Variants in CACNA1E observed in about 807,000 individuals in gnomAD.
The protein encoded by CACNA1E is calcium voltage-gated channel subunit alpha1 E, also known as voltage-dependent R-type calcium channel subunit alpha-1E.
In CACNA1E, 40 loss-of-function variants were observed where a neutral mutation model predicts 259.2. The observed-to-expected ratio is 0.15, with a 90% CI of 0.12 to 0.20. CACNA1E has a LOEUF of 0.20. Ranked by LOEUF, CACNA1E falls within the 10% of genes least tolerant of loss-of-function variation. The probability of loss-of-function intolerance (pLI) is 1.00; values close to 1 mark genes in which losing one functional copy is unlikely to be tolerated. For missense variants in CACNA1E, 1,874 were observed against 3,040.1 expected, an observed-to-expected ratio of 0.62 and a Z score of 9.02; for synonymous variants, 1,104 against 1,138.5, an observed-to-expected ratio of 0.97 and a Z score of 0.61.
chr1:181,443,489 T>G (rs1160520645), intron 2 of CACNA1E, among the ~76,000 whole-genome samples: 1 of 152,200 alleles, frequency 6.6e-6, no homozygotes, highest in Non-Finnish European at 1.5e-5. Context: ...TTAAATGTAT[T>G]TTGAGGCCTG....
chr1:181,665,474 A>G (rs1211451036), intron 7 of CACNA1E, among the ~76,000 whole-genome samples: 5 of 152,202 alleles, frequency 3.3e-5, no homozygotes, highest in Non-Finnish European at 1.5e-5. Flanking sequence ...TTAGTAAAAT[A>G]TAACATGAAG....
At chr1:181,519,911 C>G (rs1181896598) in intron 3 of CACNA1E, among the ~76,000 whole-genome samples, 1 of 152,162 alleles carries the variant, frequency 6.6e-6, no homozygotes, top group Non-Finnish European at 1.5e-5. Flanking sequence ...CATACATTCT[C>G]TCTGTCATAC....
At chr1:181,601,961 A>G (rs934488123) in intron 6 of CACNA1E, among the ~76,000 whole-genome samples, 2 of 152,144 alleles carry the variant, frequency 1.3e-5, no homozygotes, top group African/African-American at 4.8e-5. Context: ...TCTGCCTTGG[A>G]TGGAACCTTG....
chr1:181,527,120 A>G (rs1667419058), intron 3 of CACNA1E, among the ~76,000 whole-genome samples: 1 of 152,236 alleles, frequency 6.6e-6, no homozygotes, highest in Non-Finnish European at 1.5e-5. Flanking sequence ...GGACAGCTAT[A>G]TCAAAAGTAT....
intron 1 of CACNA1E, among the ~76,000 whole-genome samples, chr1:181,392,575 T>C (rs1656376046): frequency 6.6e-6 from 1 of 152,246 alleles, no homozygotes; most frequent in Non-Finnish European, 1.5e-5. Context: ...ACACAGCGGA[T>C]GCCTGACCAA....
At chr1:181,651,167 T>C (rs944400437) in intron 6 of CACNA1E, among the ~76,000 whole-genome samples, 171 bp from the exon 7 acceptor site, 4 of 152,242 alleles carry the variant, frequency 2.6e-5, no homozygotes, top group African/African-American at 9.6e-5. Context: ...ATTACGTACA[T>C]GGGAGATTTT....
chr1:181,758,158 C>T lies in CACNA1E; in HGVS notation c.4494+47C>T. 6.4e-7 allele frequency: 1 copy of T among 1,574,596 alleles called. No individual in the cohort carries two copies. The highest frequency in any genetic ancestry group is 8.7e-7 in the Non-Finnish European group (1 of 1,149,762). ...AGCCGACTGAGCCCCAGCGATGGTT[C>T]CCTCCCAGGGCAAGTGGGAAGACAC... On this transcript the variant is annotated intron_variant, in intron 31 of 47. Coordinates refer to ENST00000367573, the MANE Select transcript of CACNA1E (RefSeq NM_001205293.3). This position sits in a 1 kb window ranked among gnomAD's most constrained non-coding sequence, Gnocchi z 4.2.
chr1:181,536,096 G>T (rs1226073223), intron 3 of CACNA1E, among the ~76,000 whole-genome samples: 1 of 152,082 alleles, frequency 6.6e-6, no homozygotes, highest in Admixed American at 6.5e-5. Flanking sequence ...TGTCTTATAT[G>T]ATGGTTTCTA....
rs1199545251 is a variant in CACNA1E, at chr1:181,790,258, G to A, written c.5787-187G>A. 2.7e-5 allele frequency among the ~76,000 whole-genome samples: 4 copies of A among 150,494 alleles called. No homozygotes were observed. In the South Asian group the frequency reaches 6.4e-4, roughly 24 times the overall value. ...GAATGGTTTCAAAGGCAGGATGCAGGTTGAAAACATCAGTTTCTGTCTCTT... is the reference window on the plus strand; with the variant it reads ...GAATGGTTTCAAAGGCAGGATGCAGATTGAAAACATCAGTTTCTGTCTCTT... On this transcript the variant is annotated intron_variant, in intron 43 of 47. Transcript: ENST00000367573.
intron 1 of CACNA1E, among the ~76,000 whole-genome samples, chr1:181,372,755 G>A (rs1654788822): frequency 6.6e-6 from 1 of 151,482 alleles, no homozygotes; most frequent in Non-Finnish European, 1.5e-5. Flanking sequence ...TTATTTTGAA[G>A]TATGTTCCTT....
chr1:181,757,762 T>G (rs1447632509), intron 30 of CACNA1E, among the ~76,000 whole-genome samples, 185 bp from the exon 31 acceptor site: 1 of 152,144 alleles, frequency 6.6e-6, no homozygotes, highest in Admixed American at 6.5e-5. Context: ...CCTCCAGTTT[T>G]GTGTACTCCT....
rs1660812392 is a variant in CACNA1E at position 181,785,913 on chromosome 1, A to G, written c.5786+94A>G. The G allele has an allele frequency of 4.0e-6, 3 of 749,180 alleles. No individual in the cohort carries two copies. In the Admixed American group the frequency reaches 7.4e-5, roughly 18 times the overall value. 46.4% of individuals were successfully genotyped at this position (749,180 alleles called of 1,614,324 possible). On this transcript the variant is annotated intron_variant, in intron 43 of 47. Coordinates refer to ENST00000367573, the MANE Select transcript of CACNA1E (RefSeq NM_001205293.3). ...CAAAACTCACTGCTCAGAAGGGCCCAAGAACAAATACTCTGAGCTTGAGTG... is the reference window on the plus strand; with the variant it reads ...CAAAACTCACTGCTCAGAAGGGCCCGAGAACAAATACTCTGAGCTTGAGTG...
chr1:181,771,843 C>A (rs1018167642), intron 36 of CACNA1E, among the ~76,000 whole-genome samples: 16 of 152,032 alleles, frequency 1.1e-4, no homozygotes, highest in Non-Finnish European at 1.0e-4. Flanking sequence ...AGCAGAGACC[C>A]CATAAAAGAT....
At chr1:181,529,189 G>C (rs1239188927) in intron 3 of CACNA1E, among the ~76,000 whole-genome samples, 1 of 152,230 alleles carries the variant, frequency 6.6e-6, no homozygotes, top group Non-Finnish European at 1.5e-5. Context: ...TACAGCTCAG[G>C]CTGTGGCTTC....
intron 41 of CACNA1E, 29 bp downstream of exon 41, chr1:181,784,797 C>T (rs1660719173): frequency 1.5e-6 from 2 of 1,314,376 alleles, no homozygotes; most frequent in East Asian, 5.0e-5. Flanking sequence ...GTATCCTTGT[C>T]ACTGTGGGCC....
chr1:181,551,101 T>C (rs1648097117), intron 3 of CACNA1E, among the ~76,000 whole-genome samples: 1 of 152,208 alleles, frequency 6.6e-6, no homozygotes, highest in Admixed American at 6.5e-5. Flanking sequence ...GATTCCCCAG[T>C]GGCTCGTTCT....
At chr1:181,549,160 G>A (rs761733819) in intron 3 of CACNA1E, among the ~76,000 whole-genome samples, 43 of 152,310 alleles carry the variant, frequency 2.8e-4, no homozygotes, top group African/African-American at 9.9e-4. Flanking sequence ...AAGGAGTGGC[G>A]TCAGGATGGG....
chr1:181,613,552 G>T (rs1212407329), intron 6 of CACNA1E, among the ~76,000 whole-genome samples: 1 of 152,182 alleles, frequency 6.6e-6, no homozygotes, highest in Non-Finnish European at 1.5e-5. Context: ...GGAGGAGGAG[G>T]TTCTTGTTGT....
At chr1:181,625,234 C>T (rs139645850) in intron 6 of CACNA1E, among the ~76,000 whole-genome samples, 124 of 152,136 alleles carry the variant, frequency 8.2e-4, no homozygotes, top group African/African-American at 2.9e-3. Flanking sequence ...TGAACATTGG[C>T]TTTAACTTAA....
Sources: gnomAD v4.1 joint callset for allele counts (sites outside exome capture counted in the v4.1 genomes callset) on GRCh38, gnomAD v4.1.1 for gene constraint, Gnocchi (gnomAD v3.1) non-coding constraint, MANE v1.5 for transcripts, NCBI Gene and HGNC (gene_info 2026-07-23, HGNC 2026-07-21) for gene names.